Variants in BCAS4 observed in about 807,000 individuals in gnomAD.
BCAS4 encodes the protein breast carcinoma-amplified sequence 4.
Under a neutral mutation model 15.7 loss-of-function variants are expected in BCAS4, and 9 were observed. That is an observed-to-expected ratio of 0.57 (90% CI 0.34 to 1.00). The LOEUF (loss-of-function observed/expected upper bound fraction) is 1.00, where lower values mean the gene tolerates loss of function less well. BCAS4 is among the 50% of genes least tolerant of loss of function. The probability of loss-of-function intolerance (pLI) is 0.02; values close to 1 mark genes in which losing one functional copy is unlikely to be tolerated. For synonymous variants in BCAS4, 101 were observed against 99.5 expected, an observed-to-expected ratio of 1.02 and a Z score of -0.09; for missense variants, 225 against 239.1, an observed-to-expected ratio of 0.94 and a Z score of 0.39.
At chr20:50,845,858 C>T (rs2088537258) in intron 4 of BCAS4, among the ~76,000 whole-genome samples, 1 of 152,262 alleles carries the variant, frequency 6.6e-6, no homozygotes, top group African/African-American at 2.4e-5. Context: ...CCACACCACT[C>T]ACCAGAGGCG....
chr20:50,802,610 G>A (rs942344841), intron 1 of BCAS4, among the ~76,000 whole-genome samples: 12 of 152,210 alleles, frequency 7.9e-5, no homozygotes, highest in African/African-American at 2.4e-4. Context: ...GTTGGCCCAC[G>A]CCTGTAATCC....
chr20:50,873,348 A>G (rs1265487111), intron 4 of BCAS4, among the ~76,000 whole-genome samples: 1 of 152,114 alleles, frequency 6.6e-6, no homozygotes, highest in Non-Finnish European at 1.5e-5. Flanking sequence ...GCTGGGCCGA[A>G]CACTGGCTCT....
chr20:50,840,987 G>GT, intron 3 of BCAS4: 1 of 456,938 alleles, frequency 2.2e-6, no homozygotes, highest in South Asian at 2.1e-5. Flanking sequence ...GTGCCACCAT[G>GT]TCCGGCTACT....
In BCAS4 at chr20:50,876,667, T is replaced by TG. The variant is rs1458693005; in HGVS notation, c.*64dup. On this transcript the variant is annotated 3_prime_UTR_variant, in exon 5 of 5. Coordinates refer to ENST00000371608, the MANE Select transcript of BCAS4 (RefSeq NM_198799.4). ...GTGACATTGTGTACACACTGCAGCT[T>TG]GGGGGTTTTTTCTTTGTATTGCTGT... is the stretch of plus-strand genomic sequence containing the variant. The TG allele has an allele frequency of 2.7e-4, 417 of 1,556,040 alleles. No individual in the cohort carries two copies. The highest frequency in any genetic ancestry group is 5.2e-4 in the Middle Eastern group (3 of 5,782).
chr20:50,812,475 C>T (rs1376445478), intron 1 of BCAS4, among the ~76,000 whole-genome samples: 5 of 131,908 alleles, frequency 3.8e-5, no homozygotes, highest in South Asian at 4.9e-4. Flanking sequence ...CTTGCTCTCT[C>T]GCCCAGGCTG....
chr20:50,821,312 C>T (rs2088213513), intron 2 of BCAS4, among the ~76,000 whole-genome samples: 2 of 152,242 alleles, frequency 1.3e-5, no homozygotes, highest in African/African-American at 2.4e-5. Flanking sequence ...ACAGAATGTG[C>T]CCAGCCAGTT....
intron 4 of BCAS4, among the ~76,000 whole-genome samples, chr20:50,870,433 G>A (rs1979579736): frequency 1.3e-5 from 2 of 152,210 alleles, no homozygotes; most frequent in African/African-American, 2.4e-5. Context: ...GAACCCAGCC[G>A]GGGCCTGAGG....
chr20:50,807,989 G>T (rs2088014046), intron 1 of BCAS4, among the ~76,000 whole-genome samples: 1 of 150,614 alleles, frequency 6.6e-6, no homozygotes, highest in Non-Finnish European at 1.5e-5. Context: ...CTCACTGCAG[G>T]CTCCGCCTCC....
intron 1 of BCAS4, 116 bp downstream of exon 1, chr20:50,795,289 T>G: frequency 1.0e-6 from 1 of 954,630 alleles, no homozygotes; most frequent in Non-Finnish European, 1.4e-6. Context: ...GGCCCGGGGA[T>G]TCCCCCCTTC....
intron 4 of BCAS4, among the ~76,000 whole-genome samples, chr20:50,860,047 G>A (rs1386240716): frequency 1.3e-5 from 2 of 152,076 alleles, no homozygotes; most frequent in Non-Finnish European, 2.9e-5. Context: ...GAGGTAGGAC[G>A]ATTGCTTGGG....
chr20:50,872,070 G>A (rs1330616061), intron 4 of BCAS4, among the ~76,000 whole-genome samples: 1 of 151,290 alleles, frequency 6.6e-6, no homozygotes, highest in Admixed American at 6.6e-5. Flanking sequence ...GACCAGCCTG[G>A]CCAACACGGT....
At chr20:50,839,794 T>G (rs547091915) in intron 3 of BCAS4, among the ~76,000 whole-genome samples, 126 of 152,314 alleles carry the variant, frequency 8.3e-4, no homozygotes, top group Non-Finnish European at 1.7e-3. Context: ...GCATGAGAGC[T>G]ATTCCACCTG....
chr20:50,871,060 A>G (rs1979614306), intron 4 of BCAS4, among the ~76,000 whole-genome samples: 1 of 152,212 alleles, frequency 6.6e-6, no homozygotes, highest in Non-Finnish European at 1.5e-5. Context: ...ACTCATTCCC[A>G]GCCGGAGGGC....
In BCAS4 at chr20:50,851,965, G is replaced by C. The variant is rs1025070425; in HGVS notation, c.399+10065G>C. On this transcript the variant is annotated intron_variant, in intron 4 of 4. Coordinates refer to ENST00000371608, the MANE Select transcript of BCAS4 (RefSeq NM_198799.4). This position sits in a 1 kb window ranked among gnomAD's most constrained non-coding sequence, Gnocchi z 4.3. ...AGCCTGAGAGCTGCTCAAGGGTGGGGCCTGTGTCTTGTCTTTGCCATGGTG... is the reference window on the plus strand; with the variant it reads ...AGCCTGAGAGCTGCTCAAGGGTGGGCCCTGTGTCTTGTCTTTGCCATGGTG... Among the ~76,000 whole-genome samples, 1 of 152,224 alleles carries C rather than the reference G, an allele frequency of 6.6e-6. No individual in the cohort carries two copies. The highest frequency in any genetic ancestry group is 1.5e-5 in the Non-Finnish European group (1 of 68,040).
At chr20:50,794,971 C>G, upstream of BCAS4, 1 of 1,232,946 alleles carries the variant, frequency 8.1e-7, no homozygotes, top group South Asian at 3.5e-5. Flanking sequence ...CCTGCCCCGC[C>G]TCCGCCAGGC....
intron 3 of BCAS4, among the ~76,000 whole-genome samples, chr20:50,839,612 C>T (rs971412042): frequency 2.6e-5 from 4 of 152,150 alleles, no homozygotes; most frequent in Admixed American, 6.5e-5. Flanking sequence ...AAGTAATTCT[C>T]GTACCTTAGT....
chr20:50,821,925 C>T (rs937744605), intron 2 of BCAS4, among the ~76,000 whole-genome samples: 5 of 152,140 alleles, frequency 3.3e-5, no homozygotes, highest in Non-Finnish European at 5.9e-5. Flanking sequence ...GGACATGTCA[C>T]GTTACCTCTC....
At chr20:50,795,262 T>C in intron 1 of BCAS4, 89 bp downstream of exon 1, 1 of 1,186,824 alleles carries the variant, frequency 8.4e-7, no homozygotes, top group Non-Finnish European at 1.1e-6. Context: ...GAGCATCCTC[T>C]CGCTCCCGGA....
intron 4 of BCAS4, among the ~76,000 whole-genome samples, chr20:50,855,138 T>C (rs1214635146): frequency 6.6e-6 from 1 of 152,138 alleles, no homozygotes; most frequent in Non-Finnish European, 1.5e-5. Flanking sequence ...CTCCATTCCA[T>C]CTTGACCACT....
Sources: allele counts gnomAD v4.1 joint callset (sites outside exome capture counted in the v4.1 genomes callset), GRCh38; gene constraint gnomAD v4.1.1; non-coding constraint Gnocchi (gnomAD v3.1); transcripts MANE v1.5; gene names NCBI Gene and HGNC (gene_info 2026-07-23, HGNC 2026-07-21).